The following BBS5 variants were observed in gnomAD, a reference collection of about 807,000 sequenced individuals.
BBS5 encodes BBSome complex member BBS5.
A neutral mutation model predicts 50.2 loss-of-function variants in BBS5; 39 were observed. That is an observed-to-expected ratio of 0.78 (90% CI 0.60 to 1.01). The LOEUF (loss-of-function observed/expected upper bound fraction) is 1.01, where lower values mean the gene tolerates loss of function less well. Among genes scored for constraint, BBS5 ranks in the 50% least tolerant of loss-of-function variants. BBS5 has a pLI of 0.00. For missense variants in BBS5, 356 were observed against 401.5 expected, an observed-to-expected ratio of 0.89 and a Z score of 0.97; for synonymous variants, 134 against 133.1, an observed-to-expected ratio of 1.01 and a Z score of -0.05.
At chr2:169,496,645 G>A (rs374144695) in intron 7 of BBS5, among the ~76,000 whole-genome samples, 34 of 152,080 alleles carry the variant, frequency 2.2e-4, no homozygotes, top group Admixed American at 1.7e-3. Context: ...CGAGGCGGGC[G>A]GATCACAAGG....
chr2:169,483,701 C>G (rs1683440541), intron 2 of BBS5, among the ~76,000 whole-genome samples: 1 of 152,170 alleles, frequency 6.6e-6, no homozygotes, highest in Admixed American at 6.5e-5. Flanking sequence ...CTGCTGCCTA[C>G]TTGCCACCAC....
intron 7 of BBS5, among the ~76,000 whole-genome samples, chr2:169,495,035 AATTTT>A (rs2105298877): frequency 6.6e-6 from 1 of 152,338 alleles, no homozygotes; most frequent in African/African-American, 2.4e-5. Flanking sequence ...TTTTATGCCA[AATTTT>A]GAATACCTAC....
intron 7 of BBS5, 76 bp downstream of exon 7, chr2:169,493,912 A>T: frequency 1.0e-6 from 1 of 955,376 alleles, no homozygotes; most frequent in Non-Finnish European, 1.6e-6. Flanking sequence ...TTGGACTTTT[A>T]GATGAGTTCT....
chr2:169,485,865 C>T (rs1041567281), intron 2 of BBS5, among the ~76,000 whole-genome samples: 1 of 152,174 alleles, frequency 6.6e-6, no homozygotes, highest in East Asian at 1.9e-4. Flanking sequence ...TTGGCTGTGT[C>T]TCTCCTCTCA....
rs115818097 is a variant in BBS5 at position 169,499,119 on chromosome 2, T to A, written c.682-367T>A. 1,387 of 237,474 alleles carry A rather than the reference T, an allele frequency of 5.8e-3. 27 individuals carry two copies. Among genetic ancestry groups the A allele is most frequent in the African/African-American group, 0.03 (1,292 of 43,082 alleles). The allele number at this position is 237,474 out of a possible 1,614,324, so 14.7% of individuals were successfully genotyped here. ...AACTTAGTTCCCTTGGCCTTCACAG[T>A]CTACAGTGTATTTTTTAAATCTTGA... is the stretch of plus-strand genomic sequence containing the variant. On this transcript the variant is annotated intron_variant, in intron 8 of 11. Transcript: ENST00000295240.
At chr2:169,502,306 T>C (rs540555843) in intron 9 of BBS5, among the ~76,000 whole-genome samples, 1 of 152,310 alleles carries the variant, frequency 6.6e-6, no homozygotes, top group East Asian at 1.9e-4. Flanking sequence ...TTATTATCCT[T>C]ATCCCACAGT....
At chr2:169,498,345 TATC>T (rs1473294155) in intron 8 of BBS5, among the ~76,000 whole-genome samples, 3 of 152,234 alleles carry the variant, frequency 2.0e-5, no homozygotes, top group Admixed American at 2.0e-4. Flanking sequence ...TAAAATTACT[TATC>T]ATCTACATTC....
chr2:169,483,882 A>G (rs1321586716), intron 2 of BBS5, among the ~76,000 whole-genome samples: 1 of 152,216 alleles, frequency 6.6e-6, no homozygotes, highest in Non-Finnish European at 1.5e-5. Flanking sequence ...AATAATCCCA[A>G]CTATCAAGAT....
In BBS5 at chr2:169,504,563, T is replaced by G; in HGVS notation, c.1007T>G (p.Leu336Arg). The G allele has an allele frequency of 6.2e-7, 1 of 1,612,990 alleles. No homozygotes were observed. Among genetic ancestry groups the G allele is most frequent in the Non-Finnish European group, 8.5e-7 (1 of 1,178,948 alleles). Residue 336 changes from leucine (L) to arginine (R), a missense_variant, in exon 12 of 12, where the codon CTT becomes CGT. Leu to Arg is a moderately radical substitution (Grantham distance 102, BLOSUM62 -2). Coordinates refer to ENST00000295240, the MANE Select transcript of BBS5 (RefSeq NM_152384.3). ...AAGGATGGATTCACCCTACAGGGACTTTGGGAAGTAATGAGTTGATTGACC... is the reference window on the plus strand; with the variant it reads ...AAGGATGGATTCACCCTACAGGGACGTTGGGAAGTAATGAGTTGATTGACC... ...KLKDGFTLQG[L>R]WEVMS is the part of the protein sequence containing the mutation.
chr2:169,501,534 C>G (rs896974190), intron 9 of BBS5, among the ~76,000 whole-genome samples: 7 of 152,080 alleles, frequency 4.6e-5, no homozygotes, highest in Non-Finnish European at 7.4e-5. Flanking sequence ...TGAGACCAGC[C>G]TCAACATAAT....
chr2:169,488,204 ACCAGTTTCATGGAAGAC>A, intron 5 of BBS5, 90 bp downstream of exon 5: 1 of 1,324,150 alleles, frequency 7.6e-7, no homozygotes, highest in Non-Finnish European at 1.1e-6. Context: ...GGCACCAGGG[ACCAGTTTCATGGAAGAC>A]AGTTTTTCCA....
rs1402797897 is a variant in BBS5 at position 169,499,377 on chromosome 2, T to TA, written c.682-108dup. On this transcript the variant is annotated intron_variant, in intron 8 of 11. Transcript: ENST00000295240. ...AAAAGTTTAATTGAAAAAATGAACTTACGTATTATGCTCTAAAATAAGGAC... is the reference window on the plus strand; with the variant it reads ...AAAAGTTTAATTGAAAAAATGAACTTAACGTATTATGCTCTAAAATAAGGAC... 2.6e-5 allele frequency: 30 copies of TA among 1,169,886 alleles called. No homozygotes were observed. In the East Asian group the frequency reaches 7.6e-4, roughly 30 times the overall value. 72.5% of individuals were successfully genotyped at this position (1,169,886 alleles called of 1,614,324 possible). A position where few individuals can be genotyped will look rare whatever the true frequency, so the allele number is the denominator to read the frequency against.
At chr2:169,504,231 G>A (rs184464869) in intron 10 of BBS5, 72 bp from the exon 11 acceptor site, 2 of 1,310,086 alleles carry the variant, frequency 1.5e-6, no homozygotes, top group East Asian at 2.3e-5. Flanking sequence ...TGCATATTAA[G>A]TTCCTTAGCC....
chr2:169,484,231 G>C (rs1683451310), intron 2 of BBS5, among the ~76,000 whole-genome samples: 7 of 152,000 alleles, frequency 4.6e-5, no homozygotes. Context: ...AAAATAAAAA[G>C]AATTAGCCAT....
chr2:169,489,389 G>A (rs1683549216), intron 5 of BBS5, among the ~76,000 whole-genome samples: 2 of 151,874 alleles, frequency 1.3e-5, no homozygotes, highest in South Asian at 4.2e-4. Flanking sequence ...CTTGAACCAG[G>A]GAGATGGAGG....
intron 1 of BBS5, among the ~76,000 whole-genome samples, chr2:169,480,063 C>T (rs186358369): frequency 6.6e-6 from 1 of 152,272 alleles, no homozygotes; most frequent in East Asian, 1.9e-4. Flanking sequence ...CAGATGTCTT[C>T]ATCATTCAAG....
At position 169,497,683 on chromosome 2, in the gene BBS5, T is replaced by C; in HGVS notation, c.675T>C (p.Ser225=). The change falls in exon 8 of 12, where the codon TCT becomes TCC. Residue 225 remains serine (S), a synonymous_variant. Coordinates refer to ENST00000295240, the MANE Select transcript of BBS5 (RefSeq NM_152384.3). ...GTTTAGCTCTTGTCATAGAAAGCTC[T>C]CAGCAGGTAAGATCTTGTATATTTT... ...KFGLALVIES[S]QQSGGYVLGF... The C allele has an allele frequency of 6.3e-7, 1 of 1,584,784 alleles. No individual in the cohort carries two copies. Among genetic ancestry groups the C allele is most frequent in the Non-Finnish European group, 8.7e-7 (1 of 1,153,924 alleles).
chr2:169,490,437 C>T (rs1223417714), intron 5 of BBS5, among the ~76,000 whole-genome samples: 6 of 151,634 alleles, frequency 4.0e-5, no homozygotes, highest in East Asian at 3.9e-4. Flanking sequence ...AGGATGGTCT[C>T]GATCTCCTGA....
chr2:169,500,493 TC>T (rs1350876400), intron 9 of BBS5, among the ~76,000 whole-genome samples: 1 of 152,234 alleles, frequency 6.6e-6, no homozygotes, highest in Non-Finnish European at 1.5e-5. Flanking sequence ...GATTGTAGAC[TC>T]CCTTGCTGTC....
Sources: gnomAD v4.1 joint callset for allele counts (sites outside exome capture counted in the v4.1 genomes callset) on GRCh38, gnomAD v4.1.1 for gene constraint, MANE v1.5 for transcripts, NCBI Gene and HGNC (gene_info 2026-07-23, HGNC 2026-07-21) for gene names.